The following PRAMEF1 variants were observed in gnomAD, a reference collection of about 807,000 sequenced individuals.
PRAMEF1 encodes PRAME family member 1.
In PRAMEF1, 21 loss-of-function variants were observed where a neutral mutation model predicts 38.2. The observed-to-expected ratio is 0.55, with a 90% CI of 0.39 to 0.79. PRAMEF1 has a LOEUF of 0.79. Ranked by LOEUF, PRAMEF1 falls within the 30% of genes least tolerant of loss-of-function variation. The probability of loss-of-function intolerance (pLI) is 0.00; values close to 1 mark genes in which losing one functional copy is unlikely to be tolerated. For missense variants in PRAMEF1, 497 were observed against 565.8 expected (o/e 0.88, Z 1.23); for synonymous variants, 200 against 229.0 (o/e 0.87, Z 1.14).
chr1:12,794,355 A>G lies in PRAMEF1; in HGVS notation c.728A>G (p.His243Arg). The change falls in exon 3 of 4, where the codon CAT (histidine) becomes CGT (arginine). Residue 243 changes from histidine (H) to arginine (R), a missense_variant. Physicochemically the swap from His to Arg is conservative, Grantham distance 29. This residue lies in a region of PRAMEF1 where 470 missense variants were observed against 501.9 expected (regional missense o/e 0.94). Transcript: ENST00000332296. ...NLRKLVFSRCHHYTSDNELEG... is the reference protein window; with the variant it reads ...NLRKLVFSRCRHYTSDNELEG... Reference sequence around the variant, plus strand: ...CGCAAACTCGTTTTCTCCAGGTGCCATCATTACACGTCAGATAATGAACTC... The same window carrying G: ...CGCAAACTCGTTTTCTCCAGGTGCCGTCATTACACGTCAGATAATGAACTC... 2 of 1,612,218 alleles carry G rather than the reference A, an allele frequency of 1.2e-6. No homozygotes were observed. Among genetic ancestry groups the G allele is most frequent in the Non-Finnish European group, 1.7e-6 (2 of 1,179,060 alleles).
intron 1 of PRAMEF1, among the ~76,000 whole-genome samples, 188 bp downstream of exon 1, chr1:12,791,662 T>C (rs1424543692): frequency 6.6e-6 from 1 of 150,744 alleles, no homozygotes; most frequent in African/African-American, 2.4e-5. Flanking sequence ...TTGTGCTTGG[T>C]TTTTGTCATT....
intron 3 of PRAMEF1, chr1:12,794,963 A>G: frequency 7.6e-7 from 1 of 1,321,994 alleles, no homozygotes; most frequent in Non-Finnish European, 1.0e-6. Context: ...TTTGAACTCC[A>G]GGAAAGGTAA....
At chr1:12,795,079 G>A in intron 3 of PRAMEF1, 1 of 1,097,840 alleles carries the variant, frequency 9.1e-7, no homozygotes, top group African/African-American at 1.6e-5. Context: ...GGGAGCCCCT[G>A]CTGACATGTA....
intron 1 of PRAMEF1, among the ~76,000 whole-genome samples, chr1:12,791,761 T>C (rs1639297841): frequency 6.6e-6 from 1 of 151,070 alleles, no homozygotes; most frequent in Non-Finnish European, 1.5e-5. Context: ...TGAAGTTATT[T>C]GTTTTTGTGC....
At position 12,794,164 on chromosome 1, in the gene PRAMEF1, C is replaced by G; in HGVS notation, c.537C>G (p.His179Gln). 6.2e-7 allele frequency: 1 copy of G among 1,611,158 alleles called. No homozygotes were observed. The highest frequency in any genetic ancestry group is 2.2e-5 in the East Asian group (1 of 44,620). ...TTTACCAAAGGAGAGGTTTAGTACA[C>G]CTGTGCTGTAGTAAGCTGGTCAATT... The part of the protein sequence containing the change: ...QWVYQRRGLV[H>Q]LCCSKLVNYL... The change falls in exon 3 of 4, where the codon CAC (histidine) becomes CAG (glutamine). Residue 179 changes from histidine to glutamine, a missense_variant. Transcript: ENST00000332296.
chr1:12,791,962 A>C lies in PRAMEF1; in HGVS notation c.-26+488A>C, dbSNP rs937859513. Among the ~76,000 whole-genome samples the C allele has an allele frequency of 3.3e-5, 5 of 151,114 alleles. 1 individual carries two copies. The highest frequency in any genetic ancestry group is 9.7e-5 in the African/African-American group (4 of 41,226). ...GTGAGTATGTGGAAGTGATGTCTAT[A>C]GGAACCTTCATCTTAGAGTTACAGT... is the stretch of plus-strand genomic sequence containing the variant. On this transcript the variant is annotated intron_variant, in intron 1 of 3. Coordinates refer to ENST00000332296, the MANE Select transcript of PRAMEF1 (RefSeq NM_023013.4).
In PRAMEF1 at chr1:12,794,268, A is replaced by G. The variant is rs766136350; in HGVS notation, c.641A>G (p.Asn214Ser). ...AGTATTCAAGAGCTGGAAATTCGCA[A>G]CATGTCCTGGCCACGTCTGATAAGA... ...LNSIQELEIR[N>S]MSWPRLIRKL... The change falls in exon 3 of 4, where the codon AAC becomes AGC. Residue 214 changes from asparagine to serine, a missense_variant. By Grantham distance (46) the Asn-to-Ser change is conservative. Around this residue, in one of 2 missense-constraint regions of PRAMEF1, gnomAD observed 470 missense variants for 501.9 expected, o/e 0.94. Coordinates refer to ENST00000332296, the MANE Select transcript of PRAMEF1 (RefSeq NM_023013.4). 3.1e-6 allele frequency: 5 copies of G among 1,611,840 alleles called. No individual in the cohort carries two copies. Among genetic ancestry groups the G allele is most frequent in the Non-Finnish European group, 4.2e-6 (5 of 1,178,744 alleles).
chr1:12,793,920 G>A lies in PRAMEF1; in HGVS notation c.293G>A (p.Trp98Ter), dbSNP rs763270899. The change falls in exon 3 of 4, where the codon TGG (tryptophan) becomes TAG (stop). Residue 98 changes from tryptophan (W) to a stop codon, truncating the protein, a stop_gained. Transcript: ENST00000332296. LOFTEE classifies it high-confidence loss of function. ...CTCCCTTACTTTACCCACAGGAGGT[G>A]GAAACTTCAAGTGCTGGATTTGCGG... ...LLTQKDRPRR[W>*]KLQVLDLRDV... The A allele has an allele frequency of 4.6e-5, 74 of 1,608,832 alleles. No homozygotes were observed. Among genetic ancestry groups the A allele is most frequent in the Non-Finnish European group, 6.2e-5 (73 of 1,178,502 alleles).
rs770385617 is a variant in PRAMEF1 at position 12,795,519 on chromosome 1, C to G, written c.948C>G (p.Tyr316Ter). ...AAGACATGAAGTGTCTCTCCCAGTA[C>G]CCAAGCCTCGGTTACCTAAAGCATC... ...LEEDMKCLSQYPSLGYLKHLN... is the reference protein window; with the variant it reads ...LEEDMKCLSQ The change falls in exon 4 of 4, where the codon TAC becomes TAG. Residue 316 changes from tyrosine (Y) to a stop codon, truncating the protein, a stop_gained. Transcript: ENST00000332296. LOFTEE classifies it high-confidence loss of function. 3 of 1,612,466 alleles carry G rather than the reference C, an allele frequency of 1.9e-6. No individual in the cohort carries two copies. The highest frequency in any genetic ancestry group is 4.5e-5 in the East Asian group (2 of 44,822).
chr1:12,794,515 T>C (rs755198268), intron 3 of PRAMEF1, 22 bp downstream of exon 3: 6 of 1,609,386 alleles, frequency 3.7e-6, no homozygotes, highest in Non-Finnish European at 4.2e-6. Context: ...TCATGCACTT[T>C]GTATGCAGAC....
rs771825397 is a variant in PRAMEF1, at chr1:12,793,954, C to G, written c.327C>G (p.Asp109Glu). The change falls in exon 3 of 4, where the codon GAC (aspartate) becomes GAG (glutamate). Residue 109 changes from aspartate to glutamate, a missense_variant. Asp to Glu is a conservative substitution (Grantham distance 45). This residue lies in a region of PRAMEF1 where 470 missense variants were observed against 501.9 expected (regional missense o/e 0.94). Transcript: ENST00000332296. ...KLQVLDLRDVDENFWARWPGA... is the reference protein window; with the variant it reads ...KLQVLDLRDVEENFWARWPGA... ...AAGTGCTGGATTTGCGGGATGTTGA[C>G]GAGAATTTCTGGGCCAGATGGCCTG... The G allele has an allele frequency of 3.1e-6, 5 of 1,607,810 alleles. No individual in the cohort carries two copies. In the African/African-American group the frequency reaches 5.4e-5, roughly 17 times the overall value.
intron 2 of PRAMEF1, 77 bp downstream of exon 2, chr1:12,793,591 G>C: frequency 6.5e-7 from 1 of 1,540,104 alleles, no homozygotes; most frequent in Admixed American, 1.8e-5. Flanking sequence ...CAGAGAAGTA[G>C]CCCAAGTGTG....
rs761829740 is a variant in PRAMEF1 at position 12,793,897 on chromosome 1, C to T, written c.288-18C>T. The T allele has an allele frequency of 1.6e-5, 26 of 1,607,532 alleles. 3 individuals are homozygous for T. Among genetic ancestry groups the T allele is most frequent in the Non-Finnish European group, 1.9e-5 (22 of 1,177,512 alleles). On this transcript the variant is annotated intron_variant, in intron 2 of 3. Transcript: ENST00000332296. ...GAGTCCTTCTAAATTCTGAGTCTCT[C>T]CCTTACTTTACCCACAGGAGGTGGA...
chr1:12,795,613 G>A lies in PRAMEF1; in HGVS notation c.1042G>A (p.Ala348Thr), dbSNP rs756544879. Residue 348 changes from alanine to threonine, a missense_variant, in exon 4 of 4, where the codon GCT (alanine) becomes ACT (threonine). Ala to Thr is a moderately conservative substitution (Grantham distance 58, BLOSUM62 0). This residue lies in a region of PRAMEF1 where 470 missense variants were observed against 501.9 expected (regional missense o/e 0.94). Transcript: ENST00000332296. ...EPLGALLEKI[A>T]ASLKTLILEG... ...CCTCGGAGCTCTGCTGGAGAAAATT[G>A]CTGCCTCTCTCAAAACCCTCATCTT... 30 of 1,611,724 alleles carry A rather than the reference G, an allele frequency of 1.9e-5. No homozygotes were observed. The highest frequency in any genetic ancestry group is 2.5e-5 in the Non-Finnish European group (29 of 1,179,722).
Position 12,794,121 on chromosome 1 carries a change from G to C in PRAMEF1, c.494G>C (p.Arg165Thr), listed in dbSNP as rs756988971. ...GAAATACCCCAGGATGAATGCCTGAGATACCTCTTCCAGTGGGTTTACCAA... is the reference window on the plus strand; with the variant it reads ...GAAATACCCCAGGATGAATGCCTGACATACCTCTTCCAGTGGGTTTACCAA... The part of the protein sequence containing the change: ...LKEIPQDECL[R>T]YLFQWVYQRR... The change falls in exon 3 of 4, where the codon AGA becomes ACA. Residue 165 changes from arginine to threonine, a missense_variant. Arg to Thr is a moderately conservative substitution (Grantham distance 71). Transcript: ENST00000332296. 6.2e-7 allele frequency: 1 copy of C among 1,610,076 alleles called. No individual in the cohort carries two copies. The highest frequency in any genetic ancestry group is 8.5e-7 in the Non-Finnish European group (1 of 1,178,766).
In PRAMEF1 at chr1:12,794,170, C is replaced by T. The variant is rs1639346678; in HGVS notation, c.543C>T (p.Cys181=). ...AAAGGAGAGGTTTAGTACACCTGTG[C>T]TGTAGTAAGCTGGTCAATTATCTAA... The part of the protein sequence containing the change: ...VYQRRGLVHL[C]CSKLVNYLTP... Residue 181 remains cysteine, a synonymous_variant, in exon 3 of 4, where the codon TGC becomes TGT. Transcript: ENST00000332296. 1.2e-6 allele frequency: 2 copies of T among 1,611,046 alleles called. No individual in the cohort carries two copies. The highest frequency in any genetic ancestry group is 1.7e-6 in the Non-Finnish European group (2 of 1,178,470).
At chr1:12,794,856 G>A (rs565072473) in intron 3 of PRAMEF1, 42 of 1,327,624 alleles carry the variant, frequency 3.2e-5, no homozygotes, top group African/African-American at 1.8e-4. Flanking sequence ...GAGGGAAAGC[G>A]CATCAAACCT....
At chr1:12,792,522 C>T (rs1196470547) in intron 1 of PRAMEF1, among the ~76,000 whole-genome samples, 1 of 151,120 alleles carries the variant, frequency 6.6e-6, no homozygotes, top group African/African-American at 2.4e-5. Flanking sequence ...TCCAGAGTAG[C>T]TAGGATTACA....
At position 12,793,368 on chromosome 1, in the gene PRAMEF1, A is replaced by T. The variant is rs769301613; in HGVS notation, c.141A>T (p.Arg47Ser). 3 of 1,609,858 alleles carry T rather than the reference A, an allele frequency of 1.9e-6. No homozygotes were observed. The highest frequency in any genetic ancestry group is 2.5e-6 in the Non-Finnish European group (3 of 1,177,900). Residue 47 changes from arginine to serine, a missense_variant, in exon 2 of 4, where the codon AGA (arginine) becomes AGT (serine). By Grantham distance (110) the Arg-to-Ser change is moderately radical. Coordinates refer to ENST00000332296, the MANE Select transcript of PRAMEF1 (RefSeq NM_023013.4). ...TCTTCATGGAGGCCTTCAGCAGGAG[A>T]CACTTCCAGACTCTGACGGTGATGG... Reference protein sequence around the residue: ...LPLFMEAFSRRHFQTLTVMVQ... With the variant: ...LPLFMEAFSRSHFQTLTVMVQ...
Sources: allele counts gnomAD v4.1 joint callset (sites outside exome capture counted in the v4.1 genomes callset), GRCh38; gene constraint gnomAD v4.1.1; regional missense constraint gnomAD v4.1.1; transcripts MANE v1.5; gene names NCBI Gene and HGNC (gene_info 2026-07-23, HGNC 2026-07-21).